The following PSD2 variants were observed in gnomAD, a reference collection of about 807,000 sequenced individuals.
PSD2 encodes PH and SEC7 domain-containing protein 2.
In PSD2, 38 loss-of-function variants were observed where a neutral mutation model predicts 69.8. The ratio of observed to expected loss-of-function variants is 0.54; its 90% CI spans 0.42 to 0.71. The LOEUF is 0.71. Among genes scored for constraint, PSD2 ranks in the 30% least tolerant of loss-of-function variants. The pLI is 0.00. For missense variants in PSD2, 943 were observed against 1,014.5 expected, an observed-to-expected ratio of 0.93 and a Z score of 0.96; for synonymous variants, 412 against 423.0, an observed-to-expected ratio of 0.97 and a Z score of 0.32.
At chr5:139,799,059 C>T (rs2126922221) in intron 1 of PSD2, among the ~76,000 whole-genome samples, 1 of 152,106 alleles carries the variant, frequency 6.6e-6, no homozygotes, top group South Asian at 2.1e-4. Context: ...TGATTAGAGT[C>T]AAGTTAACCA....
At chr5:139,766,846 T>C in the PSD2 span, among the ~76,000 whole-genome samples, 1 of 148,456 alleles carries the variant, frequency 6.7e-6, no homozygotes, top group Non-Finnish European at 1.5e-5. Context: ...TTTCTTTCTT[T>C]CTTTCTTTCT....
intron 7 of PSD2, among the ~76,000 whole-genome samples, chr5:139,830,628 CTTTCTTTCTTTCTT>C (rs1208926061): frequency 8.9e-6 from 1 of 112,912 alleles, no homozygotes; most frequent in Non-Finnish European, 1.8e-5. Context: ...CTTTCTTTCT[CTTTCTTTCTTTCTT>C]TCTTTCTTTC....
chr5:139,786,124 C>A, the PSD2 span, among the ~76,000 whole-genome samples: 1 of 152,126 alleles, frequency 6.6e-6, no homozygotes, highest in African/African-American at 2.4e-5. Context: ...GTGGCTCACA[C>A]CTGTCGTCCC....
At chr5:139,789,641 C>G in the PSD2 span, among the ~76,000 whole-genome samples, 1 of 148,964 alleles carries the variant, frequency 6.7e-6, no homozygotes, top group Non-Finnish European at 1.5e-5. Flanking sequence ...ATAGTGGGCA[C>G]TCATTATATG....
At chr5:139,750,280 A>G in the PSD2 span, among the ~76,000 whole-genome samples, 3 of 152,110 alleles carry the variant, frequency 2.0e-5, no homozygotes, top group Non-Finnish European at 4.4e-5. Context: ...AGCTGAGATC[A>G]TGCCACTGCA....
At chr5:139,800,367 C>T (rs1008051964) in intron 1 of PSD2, among the ~76,000 whole-genome samples, 6 of 152,244 alleles carry the variant, frequency 3.9e-5, no homozygotes, top group Non-Finnish European at 5.9e-5. Context: ...GTCCACCAGG[C>T]ACAGCACAGG....
Position 139,795,835 on chromosome 5 carries a change from C to T in PSD2, c.-191C>T, listed in dbSNP as rs565181360. ...CGTCCGTCCCCCTCGCTCAGCCTCTCCACATCGCGGCTCCGGCACCTGAAG... is the reference window on the plus strand; with the variant it reads ...CGTCCGTCCCCCTCGCTCAGCCTCTTCACATCGCGGCTCCGGCACCTGAAG... On this transcript the variant is annotated 5_prime_UTR_variant, in exon 1 of 15. Transcript: ENST00000274710. This position sits in a 1 kb window ranked among gnomAD's most constrained non-coding sequence, Gnocchi z 4.5. 6.6e-6 allele frequency: 1 copy of T among 151,778 alleles called. No individual in the cohort carries two copies. Among genetic ancestry groups the T allele is most frequent in the East Asian group, 1.9e-4 (1 of 5,182 alleles). 9.4% of individuals were successfully genotyped at this position (151,778 alleles called of 1,614,324 possible).
the PSD2 span, among the ~76,000 whole-genome samples, chr5:139,748,772 A>G: frequency 6.6e-6 from 1 of 152,394 alleles, no homozygotes; most frequent in South Asian, 2.1e-4. Flanking sequence ...CGGCCACCGC[A>G]TCGAGCGGCT....
intron 5 of PSD2, among the ~76,000 whole-genome samples, chr5:139,819,997 A>G (rs2126946960): frequency 6.6e-6 from 1 of 152,312 alleles, no homozygotes; most frequent in East Asian, 1.9e-4. Context: ...CCTTTGATCT[A>G]GAGGCATGTA....
chr5:139,754,140 T>C, the PSD2 span, among the ~76,000 whole-genome samples: 3 of 150,688 alleles, frequency 2.0e-5, no homozygotes, highest in Non-Finnish European at 4.4e-5. Context: ...CGGACCAGAG[T>C]TGGGTTTAGA....
At chr5:139,759,551 TGAATTACGGAAA>T in the PSD2 span, among the ~76,000 whole-genome samples, 1 of 152,132 alleles carries the variant, frequency 6.6e-6, no homozygotes, top group Admixed American at 6.5e-5. Context: ...AACAACAGCT[TGAATTACGGAAA>T]GAAGTTTCCC....
the PSD2 span, among the ~76,000 whole-genome samples, chr5:139,754,870 A>AAAAAAC: frequency 3.3e-5 from 5 of 152,080 alleles, no homozygotes; most frequent in Non-Finnish European, 5.9e-5. Context: ...CTGTCTCAAA[A>AAAAAAC]AAAAACAAAA....
the PSD2 span, chr5:139,746,360 T>G: frequency 6.6e-6 from 1 of 151,464 alleles, no homozygotes; most frequent in South Asian, 2.1e-4. The surrounding 1 kb of genome is among the most constrained non-coding windows in gnomAD (Gnocchi z 4.5). Flanking sequence ...TGAACGAAAC[T>G]TCAACTTCAT....
the PSD2 span, among the ~76,000 whole-genome samples, chr5:139,758,071 C>T: frequency 3.9e-5 from 6 of 152,074 alleles, no homozygotes; most frequent in Non-Finnish European, 7.4e-5. Flanking sequence ...ACAAAAAAAC[C>T]AAATGGTTTC....
chr5:139,775,352 G>C, the PSD2 span: 2 of 152,378 alleles, frequency 1.3e-5, no homozygotes, highest in African/African-American at 4.8e-5. Flanking sequence ...AGGCCGAGTG[G>C]GGAGCTTGGA....
chr5:139,789,462 A>G, the PSD2 span, among the ~76,000 whole-genome samples: 1 of 152,194 alleles, frequency 6.6e-6, no homozygotes, highest in East Asian at 1.9e-4. Flanking sequence ...TAATATTTAC[A>G]GCTGACTTCT....
chr5:139,838,615 C>CT lies in PSD2; in HGVS notation c.1824-12dup, dbSNP rs555342666. 6.2e-7 allele frequency: 1 copy of CT among 1,608,902 alleles called. No individual in the cohort carries two copies. The highest frequency in any genetic ancestry group is 1.1e-5 in the South Asian group (1 of 90,842). On this transcript the variant is annotated splice_polypyrimidine_tract_variant and intron_variant, in intron 12 of 14. Transcript: ENST00000274710. The stretch of plus-strand genomic sequence containing the variant: ...TGTGAGAGGCCGGCACCCTCTCCCC[C>CT]TCCTGTCCCCAGGAGCAAGGAAGAA...
intron 7 of PSD2, among the ~76,000 whole-genome samples, chr5:139,831,463 T>C (rs934992798): frequency 1.3e-5 from 2 of 152,252 alleles, no homozygotes; most frequent in Non-Finnish European, 2.9e-5. Context: ...CTGTTTCTTT[T>C]TTTTTCTTCT....
chr5:139,758,914 A>AGGTT, the PSD2 span, among the ~76,000 whole-genome samples: 3 of 152,222 alleles, frequency 2.0e-5, no homozygotes, highest in African/African-American at 7.2e-5. Context: ...GCCTTCGCCC[A>AGGTT]GGGTCCCCTT....
Sources: allele counts gnomAD v4.1 joint callset (sites outside exome capture counted in the v4.1 genomes callset), GRCh38; gene constraint gnomAD v4.1.1; non-coding constraint Gnocchi (gnomAD v3.1); transcripts MANE v1.5; gene names NCBI Gene and HGNC (gene_info 2026-07-23, HGNC 2026-07-21).